Variants in CEACAM4 observed in about 807,000 individuals in gnomAD.
CEACAM4 encodes the protein cell adhesion molecule CEACAM4.
In CEACAM4, 30 loss-of-function variants were observed where a neutral mutation model predicts 28.7. The ratio of observed to expected loss-of-function variants is 1.05; its 90% CI spans 0.78 to 1.42. CEACAM4 has a LOEUF of 1.42. CEACAM4 is among the 40% of genes most tolerant of loss of function. CEACAM4 has a pLI of 0.00. For synonymous variants in CEACAM4, 143 were observed against 126.5 expected, an observed-to-expected ratio of 1.13 and a Z score of -0.87; for missense variants, 330 against 308.2, an observed-to-expected ratio of 1.07 and a Z score of -0.53.
intron 6 of CEACAM4, 110 bp from the exon 7 acceptor site, chr19:41,619,505 T>C: frequency 6.4e-7 from 1 of 1,569,342 alleles, no homozygotes; most frequent in South Asian, 1.2e-5. Context: ...AACCTGGCTG[T>C]GCTCAGGGGG....
chr19:41,620,256 C>T lies in CEACAM4; in HGVS notation c.596-14G>A, dbSNP rs1265375274. The T allele has an allele frequency of 6.8e-7, 1 of 1,466,538 alleles. No homozygotes were observed. The highest frequency in any genetic ancestry group is 2.8e-5 in the Admixed American group (1 of 35,412). The allele number at this position is 1,466,538 out of a possible 1,614,324, so 90.8% of individuals were successfully genotyped here. On this transcript the variant is annotated splice_polypyrimidine_tract_variant and intron_variant, in intron 4 of 6. Coordinates refer to ENST00000221954, the MANE Select transcript of CEACAM4 (RefSeq NM_001817.4). ...AGGGACCATGGCCTGGGGACAGAGA[C>T]AGGAGTGAGCAGCAGGGTGGGAGGA...
downstream of CEACAM4, among the ~76,000 whole-genome samples, chr19:41,615,238 T>C (rs1555798687): frequency 6.6e-6 from 1 of 151,880 alleles, no homozygotes; most frequent in African/African-American, 2.4e-5. Flanking sequence ...CGGTGGGATT[T>C]CCTAATACCT....
At chr19:41,618,449 G>A (rs1431307713), downstream of CEACAM4, among the ~76,000 whole-genome samples, 9 of 152,146 alleles carry the variant, frequency 5.9e-5, no homozygotes, top group African/African-American at 2.2e-4. Flanking sequence ...GCCCCACCAG[G>A]GATAAAGATG....
At chr19:41,624,384 C>T (rs1181490149) in intron 2 of CEACAM4, among the ~76,000 whole-genome samples, 2 of 152,184 alleles carry the variant, frequency 1.3e-5, no homozygotes, top group Admixed American at 1.3e-4. Flanking sequence ...GATACCCACA[C>T]ATCAGAAAAC....
intron 6 of CEACAM4, 120 bp from the exon 7 acceptor site, chr19:41,619,515 G>T: frequency 6.4e-7 from 1 of 1,558,794 alleles, no homozygotes; most frequent in Non-Finnish European, 8.7e-7. Context: ...TGCTCAGGGG[G>T]TCCCTGTTCC....
At chr19:41,618,389 T>G (rs1331219990), downstream of CEACAM4, among the ~76,000 whole-genome samples, 2 of 152,172 alleles carry the variant, frequency 1.3e-5, no homozygotes, top group Admixed American at 6.5e-5. Context: ...GCTCAAGGAC[T>G]GAATTATGCG....
rs201589008 is a variant in CEACAM4 at position 41,625,585 on chromosome 19, T to C, written c.424+16A>G. Reference sequence around the variant, plus strand: ...AACTGACCGCCAGCACCCAGAGGTATGGGGGAATCACTCACGGTGTACGTG... The same window carrying C: ...AACTGACCGCCAGCACCCAGAGGTACGGGGGAATCACTCACGGTGTACGTG... On this transcript the variant is annotated intron_variant, in intron 2 of 6. Coordinates refer to ENST00000221954, the MANE Select transcript of CEACAM4 (RefSeq NM_001817.4). 8.5e-5 allele frequency: 132 copies of C among 1,557,012 alleles called. No homozygotes were observed. The East Asian group carries it at 2.7e-3, about 32-fold the overall frequency.
intron 3 of CEACAM4, 54 bp from the exon 4 acceptor site, chr19:41,620,681 G>A: frequency 6.8e-7 from 1 of 1,464,692 alleles, no homozygotes; most frequent in Non-Finnish European, 9.6e-7. Flanking sequence ...ACAGGTTTAG[G>A]GGCAGAATAA....
In CEACAM4 at chr19:41,626,959, C is replaced by G. The variant is rs782019987; in HGVS notation, c.5G>C (p.Gly2Ala). 12 of 1,603,580 alleles carry G rather than the reference C, an allele frequency of 7.5e-6. No homozygotes were observed. Among genetic ancestry groups the G allele is most frequent in the South Asian group, 5.5e-5 (5 of 90,142 alleles). The change falls in exon 1 of 7, where the codon GGC becomes GCC. Residue 2 changes from glycine (G) to alanine (A), a missense_variant. Transcript: ENST00000221954. MGPPSAAPRGGH... is the reference protein window; with the variant it reads MAPPSAAPRGGH... ...TCCACGGGGAGCGGCTGAGGGGGGG[C>G]CCATGGTCTCTGCTGCCTGCTTGTC...
In CEACAM4 at chr19:41,625,713, A is replaced by C. The variant is rs201696388; in HGVS notation, c.312T>G (p.Asn104Lys). Residue 104 changes from asparagine (N) to lysine (K), a missense_variant, in exon 2 of 7, where the codon AAT becomes AAG. Transcript: ENST00000221954. ...TGATGTTTTGGAACAGCAGGGATCC[A>C]TTGGGGTATACTGTCTCTCGACCAC... ...AYSGRETVYP[N>K]GSLLFQNITL... 4 of 1,613,972 alleles carry C rather than the reference A, an allele frequency of 2.5e-6. No individual in the cohort carries two copies. The highest frequency in any genetic ancestry group is 3.4e-6 in the Non-Finnish European group (4 of 1,179,960).
At position 41,625,762 on chromosome 19, in the gene CEACAM4, G is replaced by C; in HGVS notation, c.263C>G (p.Ala88Gly). ...ACTGTATGCGGCCCCTGGGATATTT[G>C]CTTGAATGTCTGTTATATAACCAGC... Reference protein sequence around the residue: ...LIAGYITDIQANIPGAAYSGR... With the variant: ...LIAGYITDIQGNIPGAAYSGR... Residue 88 changes from alanine to glycine, a missense_variant, in exon 2 of 7, where the codon GCA becomes GGA. Ala to Gly is a moderately conservative substitution (Grantham distance 60). Transcript: ENST00000221954. 1 of 1,613,988 alleles carries C rather than the reference G, an allele frequency of 6.2e-7. No individual in the cohort carries two copies. Among genetic ancestry groups the C allele is most frequent in the Non-Finnish European group, 8.5e-7 (1 of 1,179,962 alleles).
At position 41,620,471 on chromosome 19, in the gene CEACAM4, C is replaced by A. The variant is rs1600350647; in HGVS notation, c.595+104G>T. ...GTCATGTTTCCTGACATCCTCCTTG[C>A]AGCCCCAAAGAAAGGGTCAGAGGCC... On this transcript the variant is annotated intron_variant, in intron 4 of 6. Transcript: ENST00000221954. 3.8e-5 allele frequency: 39 copies of A among 1,016,494 alleles called. No individual in the cohort carries two copies. The East Asian group carries it at 1.0e-3, about 26-fold the overall frequency. 63.0% of individuals were successfully genotyped at this position (1,016,494 alleles called of 1,614,324 possible).
At chr19:41,615,323 T>C (rs908474190), downstream of CEACAM4, among the ~76,000 whole-genome samples, 1 of 151,740 alleles carries the variant, frequency 6.6e-6, no homozygotes, top group Non-Finnish European at 1.5e-5. Context: ...GAGCTGGTGG[T>C]CCAAGGCAGC....
chr19:41,620,160 C>T, intron 5 of CEACAM4, 51 bp downstream of exon 5: 1 of 1,462,578 alleles, frequency 6.8e-7, no homozygotes, highest in Non-Finnish European at 9.1e-7. Context: ...TGCCCTGAGC[C>T]TGCACTGTTG....
downstream of CEACAM4, among the ~76,000 whole-genome samples, chr19:41,615,287 A>G (rs1259648141): frequency 6.6e-6 from 1 of 151,888 alleles, no homozygotes; most frequent in Non-Finnish European, 1.5e-5. Flanking sequence ...ATGTCAGTAT[A>G]GATCTGAGGC....
the CEACAM4 span, among the ~76,000 whole-genome samples, chr19:41,613,778 C>G: frequency 6.6e-6 from 1 of 152,028 alleles, no homozygotes; most frequent in Admixed American, 6.6e-5. Flanking sequence ...AGGAGGTCAC[C>G]AGGAGGCAGT....
At chr19:41,625,437 T>C in intron 2 of CEACAM4, 164 bp downstream of exon 2, 1 of 820,616 alleles carries the variant, frequency 1.2e-6, no homozygotes, top group South Asian at 1.7e-5. Context: ...GGAATTCTGA[T>C]CTGTTGAAGT....
chr19:41,617,130 GA>G (rs1357065970), downstream of CEACAM4, among the ~76,000 whole-genome samples: 12 of 152,272 alleles, frequency 7.9e-5, no homozygotes, highest in Admixed American at 3.9e-4. Context: ...CTGCCACCTG[GA>G]AATTAGCCTC....
intron 2 of CEACAM4, 65 bp from the exon 3 acceptor site, chr19:41,621,833 A>G (rs979332522): frequency 3.4e-6 from 3 of 892,720 alleles, no homozygotes; most frequent in Non-Finnish European, 5.5e-6. Flanking sequence ...CATAAGAGGC[A>G]TTGCAGGGCA....
Sources: allele counts gnomAD v4.1 joint callset (sites outside exome capture counted in the v4.1 genomes callset), GRCh38; gene constraint gnomAD v4.1.1; transcripts MANE v1.5; gene names NCBI Gene and HGNC (gene_info 2026-07-23, HGNC 2026-07-21).